Variants in CLK4 observed in about 807,000 individuals in gnomAD.
CLK4 encodes CDC like kinase 4.
A neutral mutation model predicts 64.4 loss-of-function variants in CLK4; 37 were observed. That is an observed-to-expected ratio of 0.57 (90% CI 0.44 to 0.76). The LOEUF (loss-of-function observed/expected upper bound fraction) is 0.76, where lower values mean the gene tolerates loss of function less well. Among genes scored for constraint, CLK4 ranks in the 30% least tolerant of loss-of-function variants. The probability of loss-of-function intolerance (pLI) is 0.00; values close to 1 mark genes in which losing one functional copy is unlikely to be tolerated. For synonymous variants in CLK4, 175 were observed against 191.6 expected (o/e 0.91, Z 0.72); for missense variants, 457 against 605.1 (o/e 0.76, Z 2.57).
chr5:178,623,512 A>G (rs1026105532), intron 1 of CLK4, 96 bp from the exon 2 acceptor site: 26 of 1,080,404 alleles, frequency 2.4e-5, no homozygotes, highest in Non-Finnish European at 2.7e-5. Flanking sequence ...AAAACCCAAC[A>G]CACAGGGTCT....
chr5:178,616,040 A>G (rs1764622359), intron 5 of CLK4, among the ~76,000 whole-genome samples: 1 of 152,176 alleles, frequency 6.6e-6, no homozygotes. Context: ...TTGAACATCC[A>G]CTTTAATTTC....
chr5:178,606,715 C>T (rs890504637), intron 10 of CLK4, among the ~76,000 whole-genome samples: 5 of 152,126 alleles, frequency 3.3e-5, no homozygotes, highest in Admixed American at 3.3e-4. Context: ...GTAATCCCAG[C>T]ACTTTGGGAG....
intron 1 of CLK4, among the ~76,000 whole-genome samples, chr5:178,626,509 T>C (rs1290511313): frequency 6.6e-6 from 1 of 152,210 alleles, no homozygotes; most frequent in Admixed American, 6.5e-5. Flanking sequence ...GGGCAAATGC[T>C]TGACTCTGGA....
At chr5:178,607,502 T>G (rs1764483595) in intron 10 of CLK4, among the ~76,000 whole-genome samples, 1 of 134,158 alleles carries the variant, frequency 7.5e-6, no homozygotes, top group Non-Finnish European at 1.6e-5. Context: ...CTACCTACAC[T>G]TTGTCTTTTT....
At chr5:178,613,666 G>A (rs1764588701) in intron 6 of CLK4, 27 bp from the exon 7 acceptor site, 1 of 1,606,720 alleles carries the variant, frequency 6.2e-7, no homozygotes, top group Non-Finnish European at 8.5e-7. Context: ...TAATAATTCA[G>A]TTTATGGAAA....
At chr5:178,624,649 A>T (rs544518309) in intron 1 of CLK4, among the ~76,000 whole-genome samples, 1 of 152,338 alleles carries the variant, frequency 6.6e-6, no homozygotes, top group Admixed American at 6.5e-5. Flanking sequence ...AAATTCTCCT[A>T]AACAGGGTGA....
At chr5:178,611,586 G>C (rs1764558173) in intron 9 of CLK4, among the ~76,000 whole-genome samples, 1 of 152,136 alleles carries the variant, frequency 6.6e-6, no homozygotes, top group Admixed American at 6.5e-5. Flanking sequence ...CAGGATTCTT[G>C]ATTTCCTCAC....
chr5:178,611,817 T>A (rs1764561990), intron 9 of CLK4, among the ~76,000 whole-genome samples: 2 of 152,254 alleles, frequency 1.3e-5, no homozygotes. Context: ...TGTTTCCCAA[T>A]GTCTCCAAGC....
At chr5:178,608,101 T>C (rs1764493489) in intron 10 of CLK4, among the ~76,000 whole-genome samples, 1 of 152,180 alleles carries the variant, frequency 6.6e-6, no homozygotes, top group Non-Finnish European at 1.5e-5. Flanking sequence ...ACTGCAAATT[T>C]ATGAAGAAGC....
At chr5:178,612,702 A>G (rs1764574492) in intron 8 of CLK4, 94 bp downstream of exon 8, 3 of 1,071,026 alleles carry the variant, frequency 2.8e-6, no homozygotes, top group South Asian at 1.5e-5. Flanking sequence ...ACAGGATATA[A>G]TAAGGCTCAG....
chr5:178,617,277 G>T lies in CLK4; in HGVS notation c.475+67C>A. The stretch of plus-strand genomic sequence containing the variant: ...ATGAAGAGTTCTTTAGCCCCCCGCT[G>T]ACAAACTATTCTTAAAAAGATTATT... On this transcript the variant is annotated intron_variant, in intron 4 of 12. Coordinates refer to ENST00000316308, the MANE Select transcript of CLK4 (RefSeq NM_020666.3). The surrounding 1 kb of genome is among the most constrained non-coding windows in gnomAD (Gnocchi z 5.2). 1 of 1,325,070 alleles carries T rather than the reference G, an allele frequency of 7.5e-7. No homozygotes were observed. Among genetic ancestry groups the T allele is most frequent in the South Asian group, 1.2e-5 (1 of 84,416 alleles). The allele number at this position is 1,325,070 out of a possible 1,614,324, so 82.1% of individuals were successfully genotyped here.
In CLK4 at chr5:178,613,604, T is replaced by C; in HGVS notation, c.695A>G (p.His232Arg). 2 of 1,610,080 alleles carry C rather than the reference T, an allele frequency of 1.2e-6. No homozygotes were observed. Among genetic ancestry groups the C allele is most frequent in the East Asian group, 2.2e-5 (1 of 44,852 alleles). Residue 232 changes from histidine (H) to arginine (R), a missense_variant, in exon 7 of 13, where the codon CAT (histidine) becomes CGT (arginine). Transcript: ENST00000316308. ...TTCAAACACAATACAAACATGACCA[T>C]GATGATCAAACCATTCTAGCATCTG... ...CVQMLEWFDH[H>R]GHVCIVFELL...
intron 2 of CLK4, chr5:178,622,575 T>A: frequency 4.8e-6 from 1 of 209,284 alleles, no homozygotes; most frequent in South Asian, 1.7e-4. Context: ...TTCCTTTAAT[T>A]CTATATAAAT....
Position 178,603,614 on chromosome 5 carries a change from A to G in CLK4, c.*3T>C. The G allele has an allele frequency of 6.4e-7, 1 of 1,556,984 alleles. No individual in the cohort carries two copies. The highest frequency in any genetic ancestry group is 2.3e-5 in the East Asian group (1 of 44,352). On this transcript the variant is annotated 3_prime_UTR_variant, in exon 13 of 13. Coordinates refer to ENST00000316308, the MANE Select transcript of CLK4 (RefSeq NM_020666.3). ...GTATATAGTAAGACCACTGATTCCC[A>G]TTTCATTTCTTTTTTAATAAGTCAA... is the stretch of plus-strand genomic sequence containing the variant.
intron 9 of CLK4, among the ~76,000 whole-genome samples, chr5:178,609,644 C>T (rs770180058): frequency 2.6e-5 from 4 of 151,684 alleles, no homozygotes; most frequent in Admixed American, 1.3e-4. Context: ...GATTGCGCCA[C>T]TGCACTCTAG....
chr5:178,605,319 T>C lies in CLK4; in HGVS notation c.1198A>G (p.Met400Val), dbSNP rs891502987. 6 of 1,584,358 alleles carry C rather than the reference T, an allele frequency of 3.8e-6. No homozygotes were observed. Among genetic ancestry groups the C allele is most frequent in the East Asian group, 2.3e-5 (1 of 43,456 alleles). Residue 400 changes from methionine to valine, a missense_variant, in exon 11 of 13, where the codon ATG (methionine) becomes GTG (valine). Met to Val is a conservative substitution (Grantham distance 21, BLOSUM62 1). Transcript: ENST00000316308. The part of the protein sequence containing the change: ...ERILGPIPQH[M>V]IQKTRKRKYF... ...AAAACATACCTTGTTTTCTGAATCA[T>C]GTGTTGTGGTATGGGTCCTAATATT...
At chr5:178,622,551 T>C (rs747330682) in intron 2 of CLK4, 64 of 317,500 alleles carry the variant, frequency 2.0e-4, no homozygotes, top group Admixed American at 1.9e-3. Flanking sequence ...CTTTAATCAT[T>C]TAGAACTTTA....
intron 2 of CLK4, among the ~76,000 whole-genome samples, chr5:178,620,846 T>C (rs927336239): frequency 6.6e-6 from 1 of 152,104 alleles, no homozygotes; most frequent in African/African-American, 2.4e-5. Flanking sequence ...CTGTTTAAAA[T>C]GGTCAGAGAA....
At position 178,617,328 on chromosome 5, in the gene CLK4, GA is replaced by G. The variant is rs774907394; in HGVS notation, c.475+15del. 5.0e-6 allele frequency: 8 copies of G among 1,591,662 alleles called. No individual in the cohort carries two copies. In the African/African-American group the frequency reaches 9.4e-5, roughly 19 times the overall value. Reference sequence around the variant, plus strand: ...CTTTCTGCAAAGTTTAAAAAGTGTTGAAAAATATTCTATACATCTTGCTCTT... The same window carrying G: ...CTTTCTGCAAAGTTTAAAAAGTGTTGAAAATATTCTATACATCTTGCTCTT... On this transcript the variant is annotated intron_variant, in intron 4 of 12. Coordinates refer to ENST00000316308, the MANE Select transcript of CLK4 (RefSeq NM_020666.3). This position sits in a 1 kb window ranked among gnomAD's most constrained non-coding sequence, Gnocchi z 5.2.
Sources: allele counts gnomAD v4.1 joint callset (sites outside exome capture counted in the v4.1 genomes callset), GRCh38; gene constraint gnomAD v4.1.1; non-coding constraint Gnocchi (gnomAD v3.1); transcripts MANE v1.5; gene names NCBI Gene and HGNC (gene_info 2026-07-23, HGNC 2026-07-21).